The following TPCN2 variants were observed in gnomAD, a reference collection of about 807,000 sequenced individuals.
TPCN2 encodes two pore segment channel 2, also known as two pore channel protein 2.
Under a neutral mutation model 111.4 loss-of-function variants are expected in TPCN2, and 92 were observed. That is an observed-to-expected ratio of 0.83 (90% CI 0.70 to 0.98). The LOEUF (loss-of-function observed/expected upper bound fraction) is 0.98, where lower values mean the gene tolerates loss of function less well. TPCN2 is among the 50% of genes least tolerant of loss of function. The pLI, the probability that TPCN2 is intolerant of heterozygous loss-of-function variation, is 0.00. For synonymous variants in TPCN2, 405 were observed against 414.5 expected (o/e 0.98, Z 0.28); for missense variants, 995 against 980.1 (o/e 1.02, Z -0.20).
chr11:69,072,782 G>T, intron 12 of TPCN2, 74 bp downstream of exon 12: 2 of 1,582,608 alleles, frequency 1.3e-6, no homozygotes, highest in Non-Finnish European at 1.7e-6. Flanking sequence ...CCCTTTTCAG[G>T]ACTAGGGGTG....
intron 1 of TPCN2, 127 bp downstream of exon 1, chr11:69,049,233 C>A: frequency 1.8e-6 from 1 of 542,012 alleles, no homozygotes; most frequent in Non-Finnish European, 2.8e-6. Flanking sequence ...GAGCGGGGCC[C>A]GGGCCGCGCC....
At chr11:69,071,446 G>T (rs1180302492) in intron 10 of TPCN2, 26 bp downstream of exon 10, 1 of 1,606,386 alleles carries the variant, frequency 6.2e-7, no homozygotes, top group Non-Finnish European at 8.5e-7. Flanking sequence ...AATGCTGGCT[G>T]TGCCTGGAGC....
chr11:69,059,183 G>A (rs1262953146), intron 5 of TPCN2, among the ~76,000 whole-genome samples: 2 of 152,138 alleles, frequency 1.3e-5, no homozygotes, highest in Non-Finnish European at 2.9e-5. Context: ...GAAGGCTGGA[G>A]TTTTCTGCTA....
intron 13 of TPCN2, among the ~76,000 whole-genome samples, chr11:69,076,778 G>C (rs372286893): frequency 1.5e-4 from 1 of 6,816 alleles, no homozygotes; most frequent in Admixed American, 1.2e-3. Context: ...CCCTCCTGCC[G>C]TGTCCCTCCA....
At chr11:69,063,753 G>C (rs908725113) in intron 6 of TPCN2, 142 bp from the exon 7 acceptor site, 1 of 721,378 alleles carries the variant, frequency 1.4e-6, no homozygotes, top group African/African-American at 1.7e-5. Context: ...GGCCCTCGGG[G>C]AGAGGGGGAC....
intron 1 of TPCN2, 147 bp from the exon 2 acceptor site, chr11:69,053,886 A>G (rs1025966767): frequency 4.2e-5 from 29 of 684,494 alleles, no homozygotes; most frequent in Non-Finnish European, 7.4e-5. Context: ...GGGCAGGTAC[A>G]TGCAGCCCCA....
intron 5 of TPCN2, among the ~76,000 whole-genome samples, chr11:69,060,795 A>T (rs1854986392): frequency 6.6e-6 from 1 of 152,152 alleles, no homozygotes; most frequent in Non-Finnish European, 1.5e-5. Context: ...TGGCCTGTAG[A>T]GGGGCTGAAA....
At chr11:69,061,353 GC>G (rs1855014341) in intron 5 of TPCN2, among the ~76,000 whole-genome samples, 1 of 152,232 alleles carries the variant, frequency 6.6e-6, no homozygotes, top group East Asian at 1.9e-4. Context: ...GAGGCCATGG[GC>G]AGAGCTGTGG....
chr11:69,081,867 A>C (rs1461668913), intron 18 of TPCN2, among the ~76,000 whole-genome samples: 2 of 152,132 alleles, frequency 1.3e-5, no homozygotes, highest in Non-Finnish European at 2.9e-5. Flanking sequence ...AATGAGGGGC[A>C]GTGGTATCCC....
intron 4 of TPCN2, among the ~76,000 whole-genome samples, chr11:69,055,820 TGAGGA>T (rs1375903631): frequency 6.6e-6 from 1 of 152,234 alleles, no homozygotes; most frequent in Non-Finnish European, 1.5e-5. Context: ...AGTGCTGCTG[TGAGGA>T]GAGGTCCCAA....
chr11:69,059,571 G>A (rs763065432), intron 5 of TPCN2, among the ~76,000 whole-genome samples: 33 of 152,242 alleles, frequency 2.2e-4, no homozygotes, highest in African/African-American at 4.3e-4. Context: ...AGCTGACAGC[G>A]TTGCTGAGTC....
chr11:69,076,731 T>C (rs1590739935), intron 13 of TPCN2, among the ~76,000 whole-genome samples: 1 of 8,748 alleles, frequency 1.1e-4, no homozygotes, highest in Non-Finnish European at 6.2e-4. Flanking sequence ...TCCTGCTGTG[T>C]CCCTCCACCT....
chr11:69,085,250 T>G lies in TPCN2; in HGVS notation c.1802T>G (p.Phe601Cys), dbSNP rs764962459. ...YVFAIIGINL[F>C]RGVIVALPGN... Reference sequence around the variant, plus strand: ...TTTGCCATCATTGGGATCAACTTGTTTAGAGGCGTCATTGTGGCTCTTCCT... The same window carrying G: ...TTTGCCATCATTGGGATCAACTTGTGTAGAGGCGTCATTGTGGCTCTTCCT... Residue 601 changes from phenylalanine to cysteine, a missense_variant, in exon 20 of 25, where the codon TTT (phenylalanine) becomes TGT (cysteine). Coordinates refer to ENST00000294309, the MANE Select transcript of TPCN2 (RefSeq NM_139075.4). The G allele has an allele frequency of 6.2e-7, 1 of 1,614,050 alleles. No individual in the cohort carries two copies. Among genetic ancestry groups the G allele is most frequent in the Non-Finnish European group, 8.5e-7 (1 of 1,179,970 alleles).
intron 5 of TPCN2, among the ~76,000 whole-genome samples, chr11:69,062,432 G>C (rs1254313013): frequency 6.6e-6 from 1 of 152,116 alleles, no homozygotes; most frequent in African/African-American, 2.4e-5. Flanking sequence ...GTGTCTGGGA[G>C]GGGAAGGCTT....
chr11:69,079,763 T>C (rs1353964107), intron 16 of TPCN2, 71 bp from the exon 17 acceptor site: 1 of 1,439,360 alleles, frequency 6.9e-7, no homozygotes, highest in East Asian at 2.3e-5. Flanking sequence ...ATGAGCTTTA[T>C]AATAATTCCT....
In TPCN2 at chr11:69,087,310, TC is replaced by T. The variant is rs1483320297; in HGVS notation, c.2180+109del. 9.7e-6 allele frequency: 9 copies of T among 930,820 alleles called. No individual in the cohort carries two copies. In the Admixed American group the frequency reaches 1.1e-4, roughly 11 times the overall value. 57.7% of individuals were successfully genotyped at this position (930,820 alleles called of 1,614,324 possible). A position where few individuals can be genotyped will look rare whatever the true frequency, so the allele number is the denominator to read the frequency against. On this transcript the variant is annotated intron_variant, in intron 24 of 24. Transcript: ENST00000294309. ...GGCGGGCAGGCCCTGATGACTGTCC[TC>T]CCCCTCCGCCCGGTTATCTGGCTTT...
intron 2 of TPCN2, chr11:69,054,394 G>C: frequency 1.8e-6 from 1 of 568,140 alleles, no homozygotes; most frequent in East Asian, 2.9e-5. Context: ...TGCACGGGGC[G>C]TGGGAGGGTC....
chr11:69,084,186 C>T (rs1048178148), intron 19 of TPCN2, among the ~76,000 whole-genome samples, 170 bp downstream of exon 19: 2 of 152,198 alleles, frequency 1.3e-5, no homozygotes, highest in East Asian at 1.9e-4. Context: ...GGTAAGAAGC[C>T]AGAGGCATCC....
In TPCN2 at chr11:69,089,233, C is replaced by T. The variant is rs569642753; in HGVS notation, c.*1280C>T. ...AGAAGGTCATGAGTTTCTTTTTACT[C>T]GTGTTGAATAATAACAATAACAATA... On this transcript the variant is annotated 3_prime_UTR_variant, in exon 25 of 25. Coordinates refer to ENST00000294309, the MANE Select transcript of TPCN2 (RefSeq NM_139075.4). The T allele has an allele frequency of 1.4e-5, 2 of 144,578 alleles. No individual in the cohort carries two copies. The highest frequency in any genetic ancestry group is 3.1e-5 in the Non-Finnish European group (2 of 64,824). The allele number at this position is 144,578 out of a possible 1,614,324, so 9.0% of individuals were successfully genotyped here.
Sources: allele counts gnomAD v4.1 joint callset (sites outside exome capture counted in the v4.1 genomes callset), GRCh38; gene constraint gnomAD v4.1.1; transcripts MANE v1.5; gene names NCBI Gene and HGNC (gene_info 2026-07-23, HGNC 2026-07-21).